The following FAM193A variants were observed in gnomAD, a reference collection of about 807,000 sequenced individuals.
The protein encoded by FAM193A is protein FAM193A.
FAM193A carries 22 observed loss-of-function variants against 126.5 expected under a neutral mutation model. The observed-to-expected ratio is 0.17, with a 90% confidence interval of 0.12 to 0.25. The LOEUF (loss-of-function observed/expected upper bound fraction) is 0.25, where lower values mean the gene tolerates loss of function less well. FAM193A is among the 10% of genes least tolerant of loss of function. The probability of loss-of-function intolerance (pLI) is 1.00; values close to 1 mark genes in which losing one functional copy is unlikely to be tolerated. For missense variants in FAM193A, 1,675 were observed against 1,672.8 expected, an observed-to-expected ratio of 1.00 and a Z score of -0.02; for synonymous variants, 761 against 646.8, an observed-to-expected ratio of 1.18 and a Z score of -2.68.
intron 13 of FAM193A, among the ~76,000 whole-genome samples, chr4:2,686,261 C>G (rs527364824): frequency 6.6e-6 from 1 of 152,242 alleles, no homozygotes; most frequent in African/African-American, 2.4e-5. Flanking sequence ...AAATCAAATG[C>G]GTAGAATCAT....
intron 2 of FAM193A, among the ~76,000 whole-genome samples, chr4:2,601,530 C>T (rs1025478532): frequency 1.1e-4 from 16 of 151,880 alleles, no homozygotes; most frequent in Admixed American, 2.0e-4. Context: ...CCACCATACC[C>T]GGCTACTTTT....
At position 2,639,799 on chromosome 4, in the gene FAM193A, A is replaced by G; in HGVS notation, c.1103A>G (p.Asn368Ser). 1 of 1,614,088 alleles carries G rather than the reference A, an allele frequency of 6.2e-7. No homozygotes were observed. Among genetic ancestry groups the G allele is most frequent in the Non-Finnish European group, 8.5e-7 (1 of 1,179,974 alleles). The change falls in exon 6 of 21, where the codon AAT becomes AGT. Residue 368 changes from asparagine (N) to serine (S), a missense_variant. Asn to Ser is a conservative substitution (Grantham distance 46). Coordinates refer to ENST00000637812, the MANE Select transcript of FAM193A (RefSeq NM_001366318.2). ...WELHNKHLFE[N>S]LVFSEPLLQS... ...CTGCATAATAAACACCTGTTTGAAAATCTGGTCTTTTCGGAGCCACTTCTT... is the reference window on the plus strand; with the variant it reads ...CTGCATAATAAACACCTGTTTGAAAGTCTGGTCTTTTCGGAGCCACTTCTT...
chr4:2,663,522 A>AT (rs1036270362), intron 12 of FAM193A, among the ~76,000 whole-genome samples: 2 of 152,110 alleles, frequency 1.3e-5, no homozygotes, highest in African/African-American at 4.8e-5. Flanking sequence ...TTTTGTCTGT[A>AT]TAGAAGCAAA....
chr4:2,545,290 G>A (rs960088978), intron 1 of FAM193A, among the ~76,000 whole-genome samples: 1 of 152,200 alleles, frequency 6.6e-6, no homozygotes, highest in Non-Finnish European at 1.5e-5. Context: ...ACCACGCCAG[G>A]CCCTCTCTTT....
chr4:2,634,952 G>C (rs965902096), intron 5 of FAM193A, among the ~76,000 whole-genome samples: 44 of 152,150 alleles, frequency 2.9e-4, no homozygotes, highest in African/African-American at 9.9e-4. Flanking sequence ...ACTTCATTAT[G>C]CCTTCTTTTT....
Position 2,569,327 on chromosome 4 carries a change from G to A in FAM193A, c.256-26757G>A, listed in dbSNP as rs140409218. ...ACGTGAGGGGTTGAGAAAGTGTCAT[G>A]GAAACTCTGTTGCTAACAGTGGTGG... On this transcript the variant is annotated intron_variant, in intron 1 of 20. Coordinates refer to ENST00000637812, the MANE Select transcript of FAM193A (RefSeq NM_001366318.2). 4.6e-3 allele frequency among the ~76,000 whole-genome samples: 699 copies of A among 152,106 alleles called. 3 individuals are homozygous for A. The highest frequency in any genetic ancestry group is 8.1e-3 in the Non-Finnish European group (552 of 68,002).
intron 20 of FAM193A, among the ~76,000 whole-genome samples, chr4:2,727,151 C>T (rs1444006221): frequency 6.6e-6 from 1 of 151,944 alleles, no homozygotes; most frequent in Non-Finnish European, 1.5e-5. Context: ...CCTAGCTACT[C>T]TGGAGGCTGA....
At chr4:2,675,426 C>CT (rs1321471327) in intron 13 of FAM193A, among the ~76,000 whole-genome samples, 1 of 152,194 alleles carries the variant, frequency 6.6e-6, no homozygotes, top group Non-Finnish European at 1.5e-5. Flanking sequence ...GTTTGATACT[C>CT]TGTTATTAGC....
At chr4:2,658,413 C>A (rs1454156038) in intron 8 of FAM193A, among the ~76,000 whole-genome samples, 2 of 152,122 alleles carry the variant, frequency 1.3e-5, no homozygotes, top group Non-Finnish European at 2.9e-5. Flanking sequence ...TTGTGCTCCA[C>A]CTTTGCTGGA....
chr4:2,601,984 A>G (rs1300585361), intron 2 of FAM193A, among the ~76,000 whole-genome samples: 1 of 151,834 alleles, frequency 6.6e-6, no homozygotes, highest in Non-Finnish European at 1.5e-5. Flanking sequence ...GACTACAGGC[A>G]TGTACCACCG....
intron 1 of FAM193A, among the ~76,000 whole-genome samples, chr4:2,551,940 A>C (rs945272601): frequency 1.3e-5 from 2 of 151,776 alleles, no homozygotes; most frequent in Non-Finnish European, 2.9e-5. Flanking sequence ...TCCTGGACTC[A>C]AGGGATCCTT....
intron 1 of FAM193A, among the ~76,000 whole-genome samples, chr4:2,553,677 T>TA (rs1738084809): frequency 6.6e-6 from 1 of 152,036 alleles, no homozygotes; most frequent in Non-Finnish European, 1.5e-5. Flanking sequence ...TCCTTTGACT[T>TA]ACAGTTTATT....
chr4:2,579,423 C>T (rs1223596941), intron 1 of FAM193A, among the ~76,000 whole-genome samples: 2 of 152,014 alleles, frequency 1.3e-5, no homozygotes, highest in African/African-American at 2.4e-5. Context: ...GCTGGCTGGA[C>T]GTGGTGGCTC....
At chr4:2,646,402 C>T (rs1405082938) in intron 6 of FAM193A, among the ~76,000 whole-genome samples, 1 of 151,904 alleles carries the variant, frequency 6.6e-6, no homozygotes, top group Non-Finnish European at 1.5e-5. Flanking sequence ...GATCTCCCGA[C>T]CTCAGGTGAT....
chr4:2,549,643 G>T (rs1407824572), intron 1 of FAM193A, among the ~76,000 whole-genome samples: 1 of 149,574 alleles, frequency 6.7e-6, no homozygotes, highest in African/African-American at 2.5e-5. Context: ...TGATCCGCCC[G>T]CCTCAGCCTC....
chr4:2,590,883 C>G (rs1043071195), intron 1 of FAM193A, among the ~76,000 whole-genome samples: 2 of 151,544 alleles, frequency 1.3e-5, no homozygotes, highest in African/African-American at 4.9e-5. Context: ...AAAAATTAAC[C>G]AGGCGTGGTG....
intron 1 of FAM193A, among the ~76,000 whole-genome samples, chr4:2,563,099 C>A (rs190431166): frequency 6.6e-6 from 1 of 151,922 alleles, no homozygotes; most frequent in Non-Finnish European, 1.5e-5. Context: ...CGCCTGCCAC[C>A]ATGCCCAGCT....
chr4:2,712,834 G>A (rs1719127501), intron 19 of FAM193A, among the ~76,000 whole-genome samples: 1 of 151,968 alleles, frequency 6.6e-6, no homozygotes, highest in Admixed American at 6.6e-5. Flanking sequence ...TGGGCGTGGT[G>A]GCTCATGCCT....
chr4:2,649,258 C>T (rs1045078324), intron 7 of FAM193A, among the ~76,000 whole-genome samples: 11 of 151,002 alleles, frequency 7.3e-5, no homozygotes, highest in Admixed American at 3.3e-4. Flanking sequence ...TTTGTGGTTC[C>T]GGCCACTCCA....
Sources: gnomAD v4.1 joint callset for allele counts (sites outside exome capture counted in the v4.1 genomes callset) on GRCh38, gnomAD v4.1.1 for gene constraint, MANE v1.5 for transcripts, NCBI Gene and HGNC (gene_info 2026-07-23, HGNC 2026-07-21) for gene names.